GRK3: variants seen among roughly 807,000 people sequenced by gnomAD.
The protein encoded by GRK3 is adrenergic, beta, receptor kinase 2.
In GRK3, 54 loss-of-function variants were observed where a neutral mutation model predicts 95.7. That is an observed-to-expected ratio of 0.56 (90% confidence interval 0.45 to 0.71). GRK3 has a LOEUF of 0.71. Among genes scored for constraint, GRK3 ranks in the 30% least tolerant of loss-of-function variants. GRK3 has a pLI of 0.00. For missense variants in GRK3, 649 were observed against 851.2 expected, an observed-to-expected ratio of 0.76 and a Z score of 2.96; for synonymous variants, 281 against 290.8, an observed-to-expected ratio of 0.97 and a Z score of 0.34.
intron 1 of GRK3, among the ~76,000 whole-genome samples, chr22:25,593,802 C>A (rs2037313008): frequency 6.6e-6 from 1 of 152,026 alleles, no homozygotes; most frequent in South Asian, 2.1e-4. Context: ...GGTAGGGATC[C>A]AGTTTCAATC....
In GRK3 at chr22:25,685,155, A is replaced by G. The variant is rs774254090; in HGVS notation, c.748-15A>G. Reference sequence around the variant, plus strand: ...GCTTTTGCTCTTCTTATAAACTTTTATTGTTTCACTCTAGGACTGTCCTTT... The same window carrying G: ...GCTTTTGCTCTTCTTATAAACTTTTGTTGTTTCACTCTAGGACTGTCCTTT... On this transcript the variant is annotated splice_polypyrimidine_tract_variant and intron_variant, in intron 9 of 20. Transcript: ENST00000324198. The G allele has an allele frequency of 5.7e-6, 9 of 1,590,644 alleles. No individual in the cohort carries two copies. The highest frequency in any genetic ancestry group is 7.8e-6 in the Non-Finnish European group (9 of 1,160,344).
chr22:25,689,895 G>A (rs1052092025), intron 11 of GRK3, among the ~76,000 whole-genome samples: 1 of 152,178 alleles, frequency 6.6e-6, no homozygotes, highest in African/African-American at 2.4e-5. Flanking sequence ...AAAAGGAAAT[G>A]CTTTTAATGC....
At chr22:25,664,460 A>G (rs1327068643) in intron 5 of GRK3, among the ~76,000 whole-genome samples, 1 of 151,838 alleles carries the variant, frequency 6.6e-6, no homozygotes, top group Non-Finnish European at 1.5e-5. Flanking sequence ...AAAATAATCA[A>G]CTCATCTTTT....
At chr22:25,592,481 G>A (rs1452128634) in intron 1 of GRK3, among the ~76,000 whole-genome samples, 1 of 151,936 alleles carries the variant, frequency 6.6e-6, no homozygotes, top group Non-Finnish European at 1.5e-5. Context: ...TAATTTTGAC[G>A]AAATTAATTT....
At chr22:25,624,176 C>G (rs1436275269) in intron 2 of GRK3, among the ~76,000 whole-genome samples, 2 of 152,150 alleles carry the variant, frequency 1.3e-5, no homozygotes, top group African/African-American at 4.8e-5. Context: ...GCTCCTGGCA[C>G]CCCGCATCTG....
At chr22:25,695,821 A>G (rs2085203292) in intron 13 of GRK3, among the ~76,000 whole-genome samples, 2 of 148,156 alleles carry the variant, frequency 1.3e-5, no homozygotes, top group South Asian at 2.1e-4. Flanking sequence ...GGCACACACC[A>G]TCACACCCGG....
At chr22:25,633,504 C>T (rs1193234403) in intron 2 of GRK3, among the ~76,000 whole-genome samples, 13 of 151,956 alleles carry the variant, frequency 8.6e-5, no homozygotes. Flanking sequence ...TAGTTTTTAG[C>T]ATACAAATCA....
At chr22:25,570,927 C>T (rs1931677887) in intron 1 of GRK3, among the ~76,000 whole-genome samples, 1 of 152,146 alleles carries the variant, frequency 6.6e-6, no homozygotes, top group Non-Finnish European at 1.5e-5. Context: ...CTGGAGCATA[C>T]ACATATTTGA....
At chr22:25,621,107 G>A (rs926679388) in intron 2 of GRK3, among the ~76,000 whole-genome samples, 1 of 152,244 alleles carries the variant, frequency 6.6e-6, no homozygotes, top group African/African-American at 2.4e-5. Flanking sequence ...AAAAGTCCTA[G>A]CAGACTTAGT....
intron 1 of GRK3, chr22:25,580,206 G>A (rs1011729505): frequency 4.6e-5 from 7 of 152,212 alleles, no homozygotes; most frequent in Non-Finnish European, 1.0e-4. Context: ...GGCTTCCTCA[G>A]GGGGTCACTG....
At chr22:25,593,162 C>T (rs1337378786) in intron 1 of GRK3, among the ~76,000 whole-genome samples, 3 of 149,362 alleles carry the variant, frequency 2.0e-5, no homozygotes, top group South Asian at 2.1e-4. Context: ...TTTGGTAGAA[C>T]GATTTATTTT....
At chr22:25,697,165 C>G (rs566346582) in intron 13 of GRK3, among the ~76,000 whole-genome samples, 1 of 152,178 alleles carries the variant, frequency 6.6e-6, no homozygotes, top group Non-Finnish European at 1.5e-5. Flanking sequence ...TCCCAGAAGC[C>G]TTGTATTTAG....
intron 1 of GRK3, among the ~76,000 whole-genome samples, chr22:25,602,111 A>T (rs560505756): frequency 6.6e-6 from 1 of 152,372 alleles, no homozygotes; most frequent in East Asian, 1.9e-4. Flanking sequence ...TAAATAAAGA[A>T]GTTGTACAAC....
Position 25,596,963 on chromosome 22 carries a change from C to G in GRK3, c.114-7414C>G, listed in dbSNP as rs1412342531. Among the ~76,000 whole-genome samples the G allele has an allele frequency of 2.6e-5, 4 of 152,168 alleles. No homozygotes were observed. The South Asian group carries it at 8.3e-4, about 31-fold the overall frequency. ...GAATAATTTCCTTCTACTGTGAGTT[C>G]CTTCCCCATTCCATCTCCTGGCCTT... On this transcript the variant is annotated intron_variant, in intron 1 of 20. Coordinates refer to ENST00000324198, the MANE Select transcript of GRK3 (RefSeq NM_005160.4).
intron 2 of GRK3, among the ~76,000 whole-genome samples, chr22:25,628,895 G>A (rs530607122): frequency 4.7e-4 from 72 of 152,188 alleles, no homozygotes; most frequent in Non-Finnish European, 8.1e-4. Context: ...CTTAACAGCC[G>A]TGGCCCAGAG....
chr22:25,712,107 G>GT (rs1355631649), intron 17 of GRK3, among the ~76,000 whole-genome samples: 1 of 152,258 alleles, frequency 6.6e-6, no homozygotes, highest in Non-Finnish European at 1.5e-5. Flanking sequence ...GGGGAACCCA[G>GT]TGGCAGCTGG....
At chr22:25,570,719 G>GC (rs1429250035) in intron 1 of GRK3, among the ~76,000 whole-genome samples, 2 of 152,104 alleles carry the variant, frequency 1.3e-5, no homozygotes, top group Non-Finnish European at 2.9e-5. Flanking sequence ...GGATATCCCG[G>GC]CCCCCCTCTG....
intron 3 of GRK3, among the ~76,000 whole-genome samples, chr22:25,646,588 A>G (rs1000726120): frequency 1.3e-5 from 2 of 152,262 alleles, no homozygotes; most frequent in African/African-American, 2.4e-5. Context: ...GGGTGTCAAT[A>G]TAAGACTATG....
chr22:25,651,609 T>C (rs1156889727), intron 3 of GRK3, among the ~76,000 whole-genome samples: 2 of 152,224 alleles, frequency 1.3e-5, no homozygotes, highest in Admixed American at 6.5e-5. Context: ...AACTATGATA[T>C]TGTAATTTTT....
Sources: allele counts gnomAD v4.1 joint callset (sites outside exome capture counted in the v4.1 genomes callset), GRCh38; gene constraint gnomAD v4.1.1; transcripts MANE v1.5; gene names NCBI Gene and HGNC (gene_info 2026-07-23, HGNC 2026-07-21).